Variants in GRID2 observed in about 807,000 individuals in gnomAD.
The protein encoded by GRID2 is glutamate ionotropic receptor delta type subunit 2.
Under a neutral mutation model 114.8 loss-of-function variants are expected in GRID2, and 33 were observed. The ratio of observed to expected loss-of-function variants is 0.29; its 90% CI spans 0.22 to 0.38. GRID2 has a LOEUF of 0.38. Ranked by LOEUF, GRID2 falls within the 10% of genes least tolerant of loss-of-function variation. GRID2 has a pLI of 1.00. For synonymous variants in GRID2, 505 were observed against 449.9 expected (o/e 1.12, Z -1.55); for missense variants, 1,184 against 1,257.7 (o/e 0.94, Z 0.89).
intron 14 of GRID2, among the ~76,000 whole-genome samples, chr4:93,762,635 C>A (rs1432049369): frequency 6.6e-6 from 1 of 152,068 alleles, no homozygotes; most frequent in African/African-American, 2.4e-5. Context: ...TTGAAAGGCA[C>A]AACAAGGGTA....
chr4:93,668,460 T>C (rs754947242), intron 14 of GRID2, among the ~76,000 whole-genome samples: 2 of 152,032 alleles, frequency 1.3e-5, no homozygotes, highest in Non-Finnish European at 2.9e-5. Flanking sequence ...TGTAATATGC[T>C]ATTTCAAATG....
At chr4:92,822,472 G>A in intron 2 of GRID2, 2 of 461,170 alleles carry the variant, frequency 4.3e-6, no homozygotes, top group South Asian at 3.5e-5. Flanking sequence ...GTGGACATAA[G>A]ACACCTACTC....
At chr4:93,726,220 A>G (rs999230287) in intron 14 of GRID2, among the ~76,000 whole-genome samples, 7 of 152,230 alleles carry the variant, frequency 4.6e-5, no homozygotes, top group Admixed American at 2.0e-4. Context: ...CAGTTTTCCC[A>G]GCACCATTTA....
chr4:92,782,451 A>T (rs535104582), intron 2 of GRID2, among the ~76,000 whole-genome samples: 1 of 152,242 alleles, frequency 6.6e-6, no homozygotes. Context: ...TATATTATAT[A>T]CATATGTTTT....
chr4:92,707,097 T>C (rs943043677), intron 2 of GRID2, among the ~76,000 whole-genome samples: 3 of 152,214 alleles, frequency 2.0e-5, no homozygotes, highest in African/African-American at 7.2e-5. Flanking sequence ...TAGGGAGTTA[T>C]ATTGATTTTT....
At chr4:93,595,141 C>G (rs939291433) in intron 13 of GRID2, among the ~76,000 whole-genome samples, 2 of 152,166 alleles carry the variant, frequency 1.3e-5, no homozygotes, top group Non-Finnish European at 2.9e-5. Flanking sequence ...ACCTCCAGGC[C>G]TCTATCTTGT....
At chr4:93,214,431 CAAGTA>C (rs1211519880) in intron 5 of GRID2, among the ~76,000 whole-genome samples, 6 of 151,912 alleles carry the variant, frequency 3.9e-5, no homozygotes, top group Admixed American at 6.6e-5. Context: ...TTGAAATGCG[CAAGTA>C]AAGTTCCGTA....
chr4:92,428,013 A>G (rs1246914857), intron 1 of GRID2, among the ~76,000 whole-genome samples: 1 of 152,170 alleles, frequency 6.6e-6, no homozygotes, highest in Non-Finnish European at 1.5e-5. Flanking sequence ...CTGTAATCCC[A>G]GCACTTTGGG....
rs1239938734 is a variant in GRID2, at chr4:92,422,103, C to G, written c.88+117359C>G. Among the ~76,000 whole-genome samples, 4 of 151,998 alleles carry G rather than the reference C, an allele frequency of 2.6e-5. No individual in the cohort carries two copies. The East Asian group carries it at 7.8e-4, about 29-fold the overall frequency. Reference sequence around the variant, plus strand: ...AGTAAGGTGGATGAGGAAGACTCATCTAAGGAAATGCAAATGAGCCTTAGA... The same window carrying G: ...AGTAAGGTGGATGAGGAAGACTCATGTAAGGAAATGCAAATGAGCCTTAGA... On this transcript the variant is annotated intron_variant, in intron 1 of 15. Coordinates refer to ENST00000282020, the MANE Select transcript of GRID2 (RefSeq NM_001510.4).
At chr4:92,776,675 C>T (rs1180510940) in intron 2 of GRID2, among the ~76,000 whole-genome samples, 2 of 151,980 alleles carry the variant, frequency 1.3e-5, no homozygotes, top group South Asian at 4.2e-4. Flanking sequence ...TGAAATGTTG[C>T]CTCATTCCTC....
At chr4:93,075,897 T>C (rs1212444191) in intron 2 of GRID2, among the ~76,000 whole-genome samples, 13 of 40,892 alleles carry the variant, frequency 3.2e-4, no homozygotes, top group African/African-American at 1.1e-3. Context: ...TTTTTTTTTT[T>C]TTTTTTTTTT....
At chr4:93,234,646 CT>C (rs35406159) in intron 7 of GRID2, among the ~76,000 whole-genome samples, 12,770 of 142,214 alleles carry the variant, frequency 0.09, 579 homozygotes, top group East Asian at 0.24. Context: ...TTGTCGTCCT[CT>C]TTTTTTTTTT....
rs138586487 is a variant in GRID2 at position 93,562,374 on chromosome 4, A to T, written c.2193+46963A>T. Among the ~76,000 whole-genome samples, 22 of 151,902 alleles carry T rather than the reference A, an allele frequency of 1.4e-4. No homozygotes were observed. In the East Asian group the frequency reaches 4.1e-3, roughly 28 times the overall value. ...AGGTATCTGGTAAGGTCTTTGGCCC[A>T]TTTTTTTAATCAGGTCATTAATTTT... On this transcript the variant is annotated intron_variant, in intron 13 of 15. Transcript: ENST00000282020.
chr4:93,156,785 G>A (rs571314107), intron 4 of GRID2, among the ~76,000 whole-genome samples: 86 of 151,800 alleles, frequency 5.7e-4, no homozygotes, highest in African/African-American at 2.0e-3. Context: ...GAGAGTTCCA[G>A]TGTGGGTTAG....
intron 8 of GRID2, among the ~76,000 whole-genome samples, chr4:93,366,246 A>G (rs545866665): frequency 6.6e-6 from 1 of 152,282 alleles, no homozygotes; most frequent in Non-Finnish European, 1.5e-5. Context: ...AATGGGAGAA[A>G]TAATGCTGAA....
intron 2 of GRID2, among the ~76,000 whole-genome samples, chr4:92,884,159 T>C (rs879707651): frequency 1.3e-5 from 2 of 152,214 alleles, no homozygotes; most frequent in Non-Finnish European, 2.9e-5. Flanking sequence ...CTTTATACTT[T>C]TGTGTCATGG....
rs7692764 is a variant in GRID2, at chr4:93,360,118, C to T, written c.1246-35489C>T. Among the ~76,000 whole-genome samples, 1,471 of 151,756 alleles carry T rather than the reference C, an allele frequency of 9.7e-3. 18 individuals carry two copies. The highest frequency in any genetic ancestry group is 0.034 in the African/African-American group (1,414 of 41,442). ...TAATGAGACAACTTCTTTATAGCTG[C>T]GATAATATTTTATTTCTACAGTTGT... On this transcript the variant is annotated intron_variant, in intron 8 of 15. Coordinates refer to ENST00000282020, the MANE Select transcript of GRID2 (RefSeq NM_001510.4).
chr4:93,186,259 G>A (rs191067021), intron 4 of GRID2, among the ~76,000 whole-genome samples: 3 of 152,226 alleles, frequency 2.0e-5, no homozygotes, highest in Admixed American at 2.0e-4. Flanking sequence ...TATATACCCA[G>A]TAGTGGGATG....
At chr4:93,058,724 A>G (rs1727498892) in intron 2 of GRID2, among the ~76,000 whole-genome samples, 1 of 151,996 alleles carries the variant, frequency 6.6e-6, no homozygotes, top group Non-Finnish European at 1.5e-5. Flanking sequence ...GGCATCATAT[A>G]TGTACATTTT....
Sources: allele counts gnomAD v4.1 joint callset (sites outside exome capture counted in the v4.1 genomes callset), GRCh38; gene constraint gnomAD v4.1.1; transcripts MANE v1.5; gene names NCBI Gene and HGNC (gene_info 2026-07-23, HGNC 2026-07-21).